SEC23A: variants seen among roughly 807,000 people sequenced by gnomAD.
SEC23A encodes protein transport protein Sec23A.
A neutral mutation model predicts 103.7 loss-of-function variants in SEC23A; 56 were observed. The observed-to-expected ratio is 0.54, with a 90% CI of 0.44 to 0.67. The LOEUF (loss-of-function observed/expected upper bound fraction) is 0.67. SEC23A is among the 30% of genes least tolerant of loss of function. The probability of loss-of-function intolerance (pLI) is 0.00; values close to 1 mark genes in which losing one functional copy is unlikely to be tolerated. For missense variants in SEC23A, 784 were observed against 936.4 expected (o/e 0.84, Z 2.12); for synonymous variants, 281 against 293.0 (o/e 0.96, Z 0.42).
At chr14:39,102,438 A>G (rs1476670450) in intron 1 of SEC23A, among the ~76,000 whole-genome samples, 2 of 152,206 alleles carry the variant, frequency 1.3e-5, no homozygotes, top group Non-Finnish European at 2.9e-5. Context: ...TCAGTGATTG[A>G]TGTAGATTTA....
At position 39,065,009 on chromosome 14, in the gene SEC23A, A is replaced by G. The variant is rs764074603; in HGVS notation, c.1228-16T>C. On this transcript the variant is annotated splice_polypyrimidine_tract_variant and intron_variant, in intron 10 of 19. Transcript: ENST00000307712. ...CCCTTGAGGTCTGCAAAATAAGAATACAGCATGTTCGGTTTCCTCAAAGAT... is the reference window on the plus strand; with the variant it reads ...CCCTTGAGGTCTGCAAAATAAGAATGCAGCATGTTCGGTTTCCTCAAAGAT... The G allele has an allele frequency of 1.2e-5, 19 of 1,552,462 alleles. No individual in the cohort carries two copies. The highest frequency in any genetic ancestry group is 1.7e-5 in the Non-Finnish European group (19 of 1,123,730).
chr14:39,095,099 C>A, intron 2 of SEC23A: 1 of 661,822 alleles, frequency 1.5e-6, no homozygotes, highest in South Asian at 1.7e-5. Flanking sequence ...TATCTTGAAG[C>A]AGGGTATACT....
intron 9 of SEC23A, 65 bp from the exon 10 acceptor site, chr14:39,067,361 T>C: frequency 6.3e-7 from 1 of 1,575,508 alleles, no homozygotes; most frequent in African/African-American, 1.3e-5. Context: ...GTTAAAATCG[T>C]AGAAGAAAAT....
Position 39,094,266 on chromosome 14 carries a change from A to G in SEC23A, c.222-1022T>C, listed in dbSNP as rs1204318805. Among the ~76,000 whole-genome samples the G allele has an allele frequency of 2.2e-5, 2 of 91,368 alleles. 1 individual carries two copies. The highest frequency in any genetic ancestry group is 4.4e-5 in the Non-Finnish European group (2 of 45,102). The allele number at this position is 91,368 out of a possible 152,430, so 59.9% of individuals were successfully genotyped here. On this transcript the variant is annotated intron_variant, in intron 2 of 19. Transcript: ENST00000307712. ...TATATACACATATACATATATATGC[A>G]TATATACACATATACACATATATAT...
At chr14:39,059,010 AATT>A in intron 13 of SEC23A, among the ~76,000 whole-genome samples, 1 of 152,234 alleles carries the variant, frequency 6.6e-6, no homozygotes, top group South Asian at 2.1e-4. Flanking sequence ...CAAATTTACT[AATT>A]ATTATTTGTT....
chr14:39,102,313 T>A (rs1255293949), intron 1 of SEC23A, among the ~76,000 whole-genome samples: 3 of 152,232 alleles, frequency 2.0e-5, no homozygotes, highest in African/African-American at 7.2e-5. Context: ...TCAACATGCA[T>A]TTATATTTAA....
chr14:39,066,842 G>A (rs554645266), intron 10 of SEC23A, among the ~76,000 whole-genome samples: 10 of 152,144 alleles, frequency 6.6e-5, no homozygotes, highest in East Asian at 1.9e-4. Flanking sequence ...TAGCCTGGGC[G>A]ACAGAGGAAG....
intron 9 of SEC23A, among the ~76,000 whole-genome samples, chr14:39,070,878 T>C (rs1886819600): frequency 6.6e-6 from 1 of 151,958 alleles, no homozygotes; most frequent in African/African-American, 2.4e-5. Context: ...AATACAAAAA[T>C]TAGCTGGACG....
chr14:39,061,609 G>C (rs761489834), intron 13 of SEC23A, among the ~76,000 whole-genome samples, 156 bp downstream of exon 13: 30 of 152,046 alleles, frequency 2.0e-4, no homozygotes, highest in Non-Finnish European at 4.3e-4. Flanking sequence ...GCATATTGTA[G>C]CAAATAAGCT....
intron 17 of SEC23A, 86 bp from the exon 18 acceptor site, chr14:39,040,973 G>A (rs944431202): frequency 2.0e-6 from 3 of 1,464,966 alleles, no homozygotes; most frequent in East Asian, 5.0e-5. Flanking sequence ...ATAATCTTTA[G>A]AAACTAAAAA....
chr14:39,100,459 C>G (rs1888045837), intron 1 of SEC23A, among the ~76,000 whole-genome samples: 1 of 149,110 alleles, frequency 6.7e-6, no homozygotes, highest in Non-Finnish European at 1.5e-5. Context: ...GTTGCCCAGG[C>G]TGGAGTGCAA....
intron 6 of SEC23A, among the ~76,000 whole-genome samples, chr14:39,086,508 G>C (rs1454366092): frequency 1.3e-5 from 2 of 152,086 alleles, no homozygotes; most frequent in African/African-American, 4.8e-5. Flanking sequence ...TGTAATCCCA[G>C]CTACTTGGGA....
At chr14:39,033,854 T>C (rs1005011797) in intron 19 of SEC23A, among the ~76,000 whole-genome samples, 1 of 152,252 alleles carries the variant, frequency 6.6e-6, no homozygotes, top group African/African-American at 2.4e-5. Flanking sequence ...GACAGAATGA[T>C]CTTGGTAACC....
chr14:39,061,232 A>G (rs78661432), intron 13 of SEC23A, among the ~76,000 whole-genome samples: 1 of 152,190 alleles, frequency 6.6e-6, no homozygotes, highest in African/African-American at 2.4e-5. Context: ...CAATGTGAGG[A>G]TGACTCTATA....
In SEC23A at chr14:39,063,294, G is replaced by A. The variant is rs550316577; in HGVS notation, c.1398+30C>T. The A allele has an allele frequency of 3.6e-4, 464 of 1,288,772 alleles. 4 individuals are homozygous for A. The South Asian group carries it at 4.9e-3, about 14-fold the overall frequency. The allele number at this position is 1,288,772 out of a possible 1,614,324, so 79.8% of individuals were successfully genotyped here. ...GTACTTATTCAAATGTACGTTGTAC[G>A]TTTTGATATTCAGATGTAGAAAGTC... is the stretch of plus-strand genomic sequence containing the variant. On this transcript the variant is annotated intron_variant, in intron 12 of 19. Coordinates refer to ENST00000307712, the MANE Select transcript of SEC23A (RefSeq NM_006364.4).
intron 13 of SEC23A, among the ~76,000 whole-genome samples, chr14:39,057,218 ACT>A (rs1177775221): frequency 3.9e-5 from 6 of 151,928 alleles, no homozygotes; most frequent in Non-Finnish European, 8.8e-5. Context: ...GGAGATGAGA[ACT>A]GCCTTAACCT....
chr14:39,087,103 A>G, intron 5 of SEC23A, 95 bp from the exon 6 acceptor site: 1 of 780,312 alleles, frequency 1.3e-6, no homozygotes, highest in Non-Finnish European at 2.3e-6. Context: ...TAGACATTAG[A>G]AACACAAAAA....
At chr14:39,102,707 G>C (rs982879552) in intron 1 of SEC23A, among the ~76,000 whole-genome samples, 1 of 152,092 alleles carries the variant, frequency 6.6e-6, no homozygotes, top group Admixed American at 6.6e-5. Flanking sequence ...TAAGTCCAAG[G>C]GCCCAGAGGC....
intron 9 of SEC23A, among the ~76,000 whole-genome samples, chr14:39,067,517 C>G (rs149133202): frequency 1.3e-4 from 16 of 118,848 alleles, no homozygotes; most frequent in African/African-American, 4.9e-4. Flanking sequence ...CTAACAGTTG[C>G]ATTTGTCCTT....
Sources: allele counts gnomAD v4.1 joint callset (sites outside exome capture counted in the v4.1 genomes callset), GRCh38; gene constraint gnomAD v4.1.1; transcripts MANE v1.5; gene names NCBI Gene and HGNC (gene_info 2026-07-23, HGNC 2026-07-21).